The following NRG3 variants were observed in gnomAD, a reference collection of about 807,000 sequenced individuals.
NRG3 encodes neuregulin 3.
NRG3 carries 31 observed loss-of-function variants against 66.9 expected under a neutral mutation model. The observed-to-expected ratio is 0.46, with a 90% CI of 0.35 to 0.63. The LOEUF is 0.63. Among genes scored for constraint, NRG3 ranks in the 20% least tolerant of loss-of-function variants. The pLI is 0.00. For missense variants in NRG3, 910 were observed against 878.9 expected (o/e 1.04, Z -0.45); for synonymous variants, 393 against 359.4 (o/e 1.09, Z -1.06).
chr10:82,455,450 C>A (rs1016422838), intron 2 of NRG3, among the ~76,000 whole-genome samples: 1 of 151,868 alleles, frequency 6.6e-6, no homozygotes, highest in South Asian at 2.1e-4. Flanking sequence ...ACATATAGGA[C>A]AAAAGGTGAA....
chr10:82,549,693 G>T (rs2044173686), intron 2 of NRG3, among the ~76,000 whole-genome samples: 1 of 152,132 alleles, frequency 6.6e-6, no homozygotes, highest in East Asian at 1.9e-4. Flanking sequence ...ATTATGCAGG[G>T]CCCGGAGGGG....
intron 1 of NRG3, among the ~76,000 whole-genome samples, chr10:81,879,461 G>A (rs1841987473): frequency 1.3e-5 from 2 of 152,180 alleles, no homozygotes. Flanking sequence ...GATTGTTTTA[G>A]AGACATAGAA....
At position 82,223,444 on chromosome 10, in the gene NRG3, C is replaced by T. The variant is rs578076016; in HGVS notation, c.824-135295C>T. 2.4e-4 allele frequency among the ~76,000 whole-genome samples: 36 copies of T among 152,170 alleles called. No individual in the cohort carries two copies. In the South Asian group the frequency reaches 2.9e-3, roughly 12 times the overall value. On this transcript the variant is annotated intron_variant, in intron 1 of 8. Coordinates refer to ENST00000372141, the MANE Select transcript of NRG3 (RefSeq NM_001010848.4). ...CTACAACTGCAGGCCAATTGCTATTCCTGGTGGGTATTTACTAACTCACTT... is the reference window on the plus strand; with the variant it reads ...CTACAACTGCAGGCCAATTGCTATTTCTGGTGGGTATTTACTAACTCACTT...
intron 1 of NRG3, among the ~76,000 whole-genome samples, chr10:82,243,586 T>A (rs1248462955): frequency 1.3e-5 from 2 of 152,176 alleles, no homozygotes; most frequent in African/African-American, 4.8e-5. Flanking sequence ...CCAACAGTGA[T>A]CCTAGAAATT....
chr10:81,901,173 T>C (rs73319127), intron 1 of NRG3, among the ~76,000 whole-genome samples: 3,034 of 152,054 alleles, frequency 0.02, 81 homozygotes, highest in African/African-American at 0.063. Flanking sequence ...ACTTAAGAGG[T>C]CATGTGATGC....
At chr10:82,858,419 C>G (rs1257226223) in intron 3 of NRG3, among the ~76,000 whole-genome samples, 1 of 152,142 alleles carries the variant, frequency 6.6e-6, no homozygotes, top group Non-Finnish European at 1.5e-5. Flanking sequence ...TGTCCATACT[C>G]TTATCTCGGA....
intron 1 of NRG3, among the ~76,000 whole-genome samples, chr10:82,136,835 C>T (rs944759393): frequency 3.3e-5 from 5 of 152,178 alleles, no homozygotes; most frequent in African/African-American, 1.2e-4. Context: ...TTGCTTTCCA[C>T]TCTGACAGAC....
chr10:82,554,365 T>A (rs1772454483), intron 2 of NRG3, among the ~76,000 whole-genome samples: 1 of 152,178 alleles, frequency 6.6e-6, no homozygotes, highest in Non-Finnish European at 1.5e-5. Flanking sequence ...AGCATATACC[T>A]GTATCAAAAC....
chr10:81,877,069 G>C lies in NRG3; in HGVS notation c.823+906G>C, dbSNP rs186604342. On this transcript the variant is annotated intron_variant, in intron 1 of 8. Transcript: ENST00000372141. ...CACTCAAGGGTGAGAACATCCAACC[G>C]TTTGGAAACATGTCACCGTTAGAAT... Among the ~76,000 whole-genome samples the C allele has an allele frequency of 6.6e-5, 10 of 152,284 alleles. No homozygotes were observed. In the East Asian group the frequency reaches 1.7e-3, roughly 26 times the overall value.
intron 2 of NRG3, among the ~76,000 whole-genome samples, chr10:82,423,862 G>A (rs2089243577): frequency 6.6e-6 from 1 of 151,938 alleles, no homozygotes. Context: ...TATTTGTCTA[G>A]TATGGACATT....
intron 1 of NRG3, among the ~76,000 whole-genome samples, chr10:81,998,796 T>A (rs1315165513): frequency 6.6e-6 from 1 of 152,194 alleles, no homozygotes; most frequent in African/African-American, 2.4e-5. Context: ...CCCTTTTACC[T>A]GTAAACATCC....
intron 1 of NRG3, among the ~76,000 whole-genome samples, chr10:82,133,652 T>C (rs1455475542): frequency 6.6e-6 from 1 of 152,148 alleles, no homozygotes; most frequent in Non-Finnish European, 1.5e-5. Context: ...TTCTTTATAT[T>C]GTCTATCATC....
chr10:82,621,600 A>G (rs750776306), intron 2 of NRG3, among the ~76,000 whole-genome samples: 3 of 152,346 alleles, frequency 2.0e-5, no homozygotes, highest in Middle Eastern at 3.4e-3. Flanking sequence ...CTCAATGTCT[A>G]TAAAAGGTAA....
intron 1 of NRG3, among the ~76,000 whole-genome samples, chr10:82,065,192 AG>A (rs1241120081): frequency 6.6e-6 from 1 of 152,082 alleles, no homozygotes; most frequent in East Asian, 1.9e-4. Flanking sequence ...TAAAACTATG[AG>A]GGGAATTGAG....
intron 2 of NRG3, among the ~76,000 whole-genome samples, chr10:82,626,067 G>A (rs535969942): frequency 1.1e-3 from 169 of 152,008 alleles, no homozygotes; most frequent in Non-Finnish European, 2.0e-3. Flanking sequence ...ATGTAGATAG[G>A]GCTTTGCCAT....
At chr10:82,594,046 C>G (rs1002124292) in intron 2 of NRG3, among the ~76,000 whole-genome samples, 1 of 151,978 alleles carries the variant, frequency 6.6e-6, no homozygotes, top group Non-Finnish European at 1.5e-5. Context: ...TTTGATTTAT[C>G]CTTAGGTTGT....
At chr10:81,984,582 T>C (rs917447142) in intron 1 of NRG3, among the ~76,000 whole-genome samples, 2 of 152,218 alleles carry the variant, frequency 1.3e-5, no homozygotes, top group Admixed American at 1.3e-4. Context: ...TGATACCTCA[T>C]GAGCTTCTGT....
At chr10:82,968,675 G>A (rs868247375) in intron 6 of NRG3, among the ~76,000 whole-genome samples, 1 of 151,940 alleles carries the variant, frequency 6.6e-6, no homozygotes, top group African/African-American at 2.4e-5. Context: ...GAGGGAGGGA[G>A]GCAGGGAGGG....
intron 1 of NRG3, among the ~76,000 whole-genome samples, chr10:82,052,484 C>T (rs2063649598): frequency 6.6e-6 from 1 of 152,176 alleles, no homozygotes; most frequent in Admixed American, 6.5e-5. Context: ...CTCACACAGA[C>T]TGTAATTACC....
Sources: allele counts gnomAD v4.1 joint callset (sites outside exome capture counted in the v4.1 genomes callset), GRCh38; gene constraint gnomAD v4.1.1; transcripts MANE v1.5; gene names NCBI Gene and HGNC (gene_info 2026-07-23, HGNC 2026-07-21).